The following PASK variants were observed in gnomAD, a reference collection of about 807,000 sequenced individuals.
PASK encodes PAS domain-containing serine/threonine-protein kinase.
In PASK, 110 loss-of-function variants were observed where a neutral mutation model predicts 121.0. The observed-to-expected ratio is 0.91, with a 90% CI of 0.78 to 1.06. PASK has a LOEUF of 1.06. PASK is among the 50% of genes least tolerant of loss of function. PASK has a pLI of 0.00. For synonymous variants in PASK, 686 were observed against 717.8 expected, an observed-to-expected ratio of 0.96 and a Z score of 0.71; for missense variants, 1,643 against 1,702.3, an observed-to-expected ratio of 0.97 and a Z score of 0.61.
chr2:241,108,062 T>C lies in PASK; in HGVS notation c.3667+105A>G. Reference sequence around the variant, plus strand: ...TGAATAGAAAAGAAACAAATGAGACTGTTGATATGGACAGAGATACACTGA... The same window carrying C: ...TGAATAGAAAAGAAACAAATGAGACCGTTGATATGGACAGAGATACACTGA... On this transcript the variant is annotated intron_variant, in intron 16 of 17. Transcript: ENST00000234040. This position sits in a 1 kb window ranked among gnomAD's most constrained non-coding sequence, Gnocchi z 5.2. The C allele has an allele frequency of 9.7e-7, 1 of 1,034,804 alleles. No individual in the cohort carries two copies. Among genetic ancestry groups the C allele is most frequent in the East Asian group, 2.4e-5 (1 of 42,220 alleles). The allele number at this position is 1,034,804 out of a possible 1,614,324, so 64.1% of individuals were successfully genotyped here. A position where few individuals can be genotyped will look rare whatever the true frequency, so the allele number is the denominator to read the frequency against.
chr2:241,106,974 C>T (rs10208368), intron 17 of PASK, among the ~76,000 whole-genome samples: 2 of 152,022 alleles, frequency 1.3e-5, no homozygotes, highest in Admixed American at 6.5e-5. Flanking sequence ...GAAGAGCCCT[C>T]GGCCCCGCCG....
chr2:241,136,099 G>T, intron 7 of PASK, 60 bp from the exon 8 acceptor site: 2 of 1,422,900 alleles, frequency 1.4e-6, no homozygotes, highest in Non-Finnish European at 2.0e-6. Flanking sequence ...CCACTGGACC[G>T]TCCCCCTGGG....
chr2:241,122,729 T>C lies in PASK; in HGVS notation c.3072+3A>G, dbSNP rs1370902297. On this transcript the variant is annotated splice_donor_region_variant and intron_variant, in intron 12 of 17. Coordinates refer to ENST00000234040, the MANE Select transcript of PASK (RefSeq NM_015148.4). Reference sequence around the variant, plus strand: ...CGCCACTCCCCCCCCACAGCCAGGTTACCTCCTTGTTTTTTTCCTTGTCCA... The same window carrying C: ...CGCCACTCCCCCCCCACAGCCAGGTCACCTCCTTGTTTTTTTCCTTGTCCA... The C allele has an allele frequency of 1.3e-5, 21 of 1,613,760 alleles. No homozygotes were observed. The highest frequency in any genetic ancestry group is 1.8e-5 in the Non-Finnish European group (21 of 1,179,778).
chr2:241,122,884 G>A lies in PASK; in HGVS notation c.2920C>T (p.Pro974Ser), dbSNP rs1575267585. 1 of 1,614,038 alleles carries A rather than the reference G, an allele frequency of 6.2e-7. No individual in the cohort carries two copies. Among genetic ancestry groups the A allele is most frequent in the Non-Finnish European group, 8.5e-7 (1 of 1,179,920 alleles). The change falls in exon 12 of 18, where the codon CCC becomes TCC. Residue 974 changes from proline (P) to serine (S), a missense_variant. Transcript: ENST00000234040. Reference sequence around the variant, plus strand: ...GCCTTGGGGGGCTCCTCAAACCAGGGTCTGGCTCTGAGCACCTGCAATGCA... The same window carrying A: ...GCCTTGGGGGGCTCCTCAAACCAGGATCTGGCTCTGAGCACCTGCAATGCA... ...PSLVEVLRARPWFEEPPKAVE... is the reference protein window; with the variant it reads ...PSLVEVLRARSWFEEPPKAVE...
chr2:241,111,828 CTT>C (rs951482529), intron 15 of PASK, among the ~76,000 whole-genome samples: 53 of 152,322 alleles, frequency 3.5e-4, no homozygotes, highest in African/African-American at 1.1e-3. Context: ...TGCCTCGGGA[CTT>C]TCTCTAGTGC....
At chr2:241,120,744 C>T (rs906624361) in intron 12 of PASK, among the ~76,000 whole-genome samples, 1 of 152,172 alleles carries the variant, frequency 6.6e-6, no homozygotes, top group African/African-American at 2.4e-5. Context: ...AACAGTATAA[C>T]CTTTTTAGAA....
intron 1 of PASK, among the ~76,000 whole-genome samples, chr2:241,145,231 T>C (rs565149744): frequency 9.6e-4 from 146 of 152,286 alleles, no homozygotes; most frequent in African/African-American, 3.4e-3. Context: ...CCTGTTTGTA[T>C]GTATCTTCAC....
chr2:241,122,058 AAATG>A (rs1205176600), intron 12 of PASK, among the ~76,000 whole-genome samples: 1 of 152,252 alleles, frequency 6.6e-6, no homozygotes, highest in African/African-American at 2.4e-5. Flanking sequence ...ACGTATTTGT[AAATG>A]AATGAATGTG....
Position 241,136,005 on chromosome 2 carries a change from T to A in PASK, c.1172A>T (p.Tyr391Phe). 6.2e-7 allele frequency: 1 copy of A among 1,614,090 alleles called. No homozygotes were observed. Among genetic ancestry groups the A allele is most frequent in the South Asian group, 1.1e-5 (1 of 91,084 alleles). The change falls in exon 8 of 18, where the codon TAC becomes TTC. Residue 391 changes from tyrosine (Y) to phenylalanine (F), a missense_variant. Tyr to Phe is a conservative substitution (Grantham distance 22). Transcript: ENST00000234040. The stretch of plus-strand genomic sequence containing the variant: ...TGAGCTGTTGTACGCAAGGTCCATG[T>A]AGCTGTAGAAACCAGGAATCAGGAA... ...ITFLIPGFYS[Y>F]MDLAYNSSLQ...
At chr2:241,110,106 C>G (rs1407504702) in intron 15 of PASK, among the ~76,000 whole-genome samples, 1 of 152,146 alleles carries the variant, frequency 6.6e-6, no homozygotes, top group Non-Finnish European at 1.5e-5. Context: ...ATCCAGAAAA[C>G]GCAATCAAAT....
At chr2:241,136,163 G>A (rs2066418806) in intron 7 of PASK, 124 bp from the exon 8 acceptor site, 3 of 868,260 alleles carry the variant, frequency 3.5e-6, no homozygotes, top group East Asian at 2.5e-5. Context: ...TTAAGGTCAG[G>A]AAAGGCCTCG....
In PASK at chr2:241,127,747, C is replaced by A. The variant is rs1169754811; in HGVS notation, c.1464-296G>T. 5 of 417,752 alleles carry A rather than the reference C, an allele frequency of 1.2e-5. No homozygotes were observed. In the East Asian group the frequency reaches 1.7e-4, roughly 14 times the overall value. The allele number at this position is 417,752 out of a possible 1,614,324, so 25.9% of individuals were successfully genotyped here. A position where few individuals can be genotyped will look rare whatever the true frequency, so the allele number is the denominator to read the frequency against. On this transcript the variant is annotated intron_variant, in intron 9 of 17. Coordinates refer to ENST00000234040, the MANE Select transcript of PASK (RefSeq NM_015148.4). ...GCGCTCTCGCTTCATCTCAGGGCCC[C>A]CAAACCCCCCGTCAGCCGTGCAGCC...
chr2:241,133,208 T>C lies in PASK; in HGVS notation c.1307-178A>G. ...CCCTCTTCTCTGCCTCCTGTCTCCCTGCTCCTTGGCCCAGGACACCTGCAG... is the reference window on the plus strand; with the variant it reads ...CCCTCTTCTCTGCCTCCTGTCTCCCCGCTCCTTGGCCCAGGACACCTGCAG... On this transcript the variant is annotated intron_variant, in intron 8 of 17. Transcript: ENST00000234040. 3 of 680,980 alleles carry C rather than the reference T, an allele frequency of 4.4e-6. No homozygotes were observed. The South Asian group carries it at 4.8e-5, about 11-fold the overall frequency. 42.2% of individuals were successfully genotyped at this position (680,980 alleles called of 1,614,324 possible). A position where few individuals can be genotyped will look rare whatever the true frequency, so the allele number is the denominator to read the frequency against.
At chr2:241,149,936 CAA>C, upstream of PASK, 6 of 1,428,792 alleles carry the variant, frequency 4.2e-6, no homozygotes, top group Non-Finnish European at 4.6e-6. Context: ...CTCCGAGCGT[CAA>C]GAGAAGGCGG....
intron 16 of PASK, among the ~76,000 whole-genome samples, chr2:241,107,937 G>C (rs112178956): frequency 2.6e-5 from 4 of 152,324 alleles, no homozygotes; most frequent in African/African-American, 9.6e-5. Flanking sequence ...TGTCCTGACT[G>C]CAAGTGTGTT....
chr2:241,120,448 G>A (rs1354131966), intron 12 of PASK, among the ~76,000 whole-genome samples: 4 of 150,664 alleles, frequency 2.7e-5, no homozygotes, highest in African/African-American at 9.7e-5. Flanking sequence ...AGCCAAGATT[G>A]TGCCACTGCA....
At chr2:241,128,920 G>A (rs946910394) in intron 9 of PASK, among the ~76,000 whole-genome samples, 1 of 151,858 alleles carries the variant, frequency 6.6e-6, no homozygotes, top group Non-Finnish European at 1.5e-5. Flanking sequence ...ACAGAGAAAG[G>A]GATTGTGAGC....
rs546549084 is a variant in PASK, at chr2:241,141,392, C to G, written c.197-639G>C. Among the ~76,000 whole-genome samples the G allele has an allele frequency of 1.3e-4, 20 of 152,304 alleles. No individual in the cohort carries two copies. The South Asian group carries it at 3.9e-3, about 30-fold the overall frequency. ...GCCACTCCGGTGGCTGCCCCGTCAC[C>G]TCCTCCTTGGAAGCGTTCCTACGAT... is the stretch of plus-strand genomic sequence containing the variant. On this transcript the variant is annotated intron_variant, in intron 2 of 17. Coordinates refer to ENST00000234040, the MANE Select transcript of PASK (RefSeq NM_015148.4).
intron 10 of PASK, among the ~76,000 whole-genome samples, chr2:241,124,793 G>GA (rs1329658826): frequency 6.6e-6 from 1 of 152,056 alleles, no homozygotes; most frequent in Non-Finnish European, 1.5e-5. Flanking sequence ...TTAAGTGTAA[G>GA]AAAAAAACCC....
Sources: allele counts gnomAD v4.1 joint callset (sites outside exome capture counted in the v4.1 genomes callset), GRCh38; gene constraint gnomAD v4.1.1; non-coding constraint Gnocchi (gnomAD v3.1); transcripts MANE v1.5; gene names NCBI Gene and HGNC (gene_info 2026-07-23, HGNC 2026-07-21).